The following NOM1 variants were observed in gnomAD, a reference collection of about 807,000 sequenced individuals.
NOM1 encodes the protein nucleolar protein with MIF4G domain 1.
A neutral mutation model predicts 73.3 loss-of-function variants in NOM1; 58 were observed. The ratio of observed to expected loss-of-function variants is 0.79; its 90% CI spans 0.64 to 0.99. The LOEUF (loss-of-function observed/expected upper bound fraction) is 0.99, where lower values mean the gene tolerates loss of function less well. NOM1 is among the 50% of genes least tolerant of loss of function. NOM1 has a pLI of 0.00. For missense variants in NOM1, 1,226 were observed against 1,131.9 expected (o/e 1.08, Z -1.19); for synonymous variants, 487 against 446.8 (o/e 1.09, Z -1.14).
chr7:156,952,734 C>T, intron 2 of NOM1, 136 bp downstream of exon 2: 1 of 937,128 alleles, frequency 1.1e-6, no homozygotes, highest in Non-Finnish European at 1.6e-6. Flanking sequence ...GCTTGATGCA[C>T]CGAGACCCAT....
At position 156,950,556 on chromosome 7, in the gene NOM1, G is replaced by T; in HGVS notation, c.819G>T (p.Ala273=). 6.2e-7 allele frequency: 1 copy of T among 1,610,910 alleles called. No individual in the cohort carries two copies. The highest frequency in any genetic ancestry group is 1.1e-5 in the South Asian group (1 of 90,894). ...GAGACGTAGAAAAGGAAAAGAAGGC[G>T]CAGGAAGCAGAAGCGCAGAGCGAGG... is the stretch of plus-strand genomic sequence containing the variant. ...EEGDVEKEKK[A]QEAEAQSEDD... is the part of the protein sequence containing the mutation. Residue 273 remains alanine (A), a synonymous_variant, in exon 1 of 11, where the codon GCG becomes GCT. Transcript: ENST00000275820.
At position 156,966,093 on chromosome 7, in the gene NOM1, CA is replaced by C. The variant is rs917266268; in HGVS notation, c.2034-176del. 59 of 697,278 alleles carry C rather than the reference CA, an allele frequency of 8.5e-5. No individual in the cohort carries two copies. In the African/African-American group the frequency reaches 9.7e-4, roughly 11 times the overall value. 43.2% of individuals were successfully genotyped at this position (697,278 alleles called of 1,614,324 possible). A position where few individuals can be genotyped will look rare whatever the true frequency, so the allele number is the denominator to read the frequency against. ...CCACATTGTAGGAGAACCTGAGGAC[CA>C]GAGAGGTTGTGACAGGGCTGGGCCC... On this transcript the variant is annotated intron_variant, in intron 7 of 10. Transcript: ENST00000275820.
At chr7:156,961,273 C>T (rs182045091) in intron 4 of NOM1, among the ~76,000 whole-genome samples, 37 of 152,072 alleles carry the variant, frequency 2.4e-4, no homozygotes, top group Non-Finnish European at 4.9e-4. Flanking sequence ...AATTCACGCC[C>T]GTGTGGGATG....
intron 3 of NOM1, chr7:156,958,577 T>C (rs1248517667): frequency 2.0e-5 from 3 of 152,246 alleles, no homozygotes; most frequent in African/African-American, 4.8e-5. Context: ...TTTTCTGCCT[T>C]CAAGTTTTAT....
At chr7:156,960,863 G>T (rs901013248) in intron 4 of NOM1, among the ~76,000 whole-genome samples, 8 of 152,168 alleles carry the variant, frequency 5.3e-5, no homozygotes, top group African/African-American at 1.9e-4. Context: ...GGAGTAGGTG[G>T]TGGCAAATGT....
Position 156,950,008 on chromosome 7 carries a change from C to T in NOM1, c.271C>T (p.His91Tyr), listed in dbSNP as rs1410099191. The change falls in exon 1 of 11, where the codon CAC becomes TAC. Residue 91 changes from histidine to tyrosine, a missense_variant. Transcript: ENST00000275820. ...SRKELRKEKR[H>Y]LRKARRLQRT... ...TAAGGAACTGAGGAAGGAGAAGCGG[C>T]ACCTGCGGAAAGCACGCCGGCTGCA... 2 of 1,541,002 alleles carry T rather than the reference C, an allele frequency of 1.3e-6. No individual in the cohort carries two copies. The highest frequency in any genetic ancestry group is 2.0e-5 in the Admixed American group (1 of 51,020).
intron 9 of NOM1, 73 bp downstream of exon 9, chr7:156,967,165 G>A: frequency 6.5e-7 from 1 of 1,527,308 alleles, no homozygotes; most frequent in Non-Finnish European, 8.9e-7. Flanking sequence ...GGTAAATCAG[G>A]TCCTGTTTTA....
At chr7:156,965,783 G>T (rs1563685728) in intron 7 of NOM1, among the ~76,000 whole-genome samples, 1 of 84,140 alleles carries the variant, frequency 1.2e-5, no homozygotes, top group South Asian at 3.7e-4. Flanking sequence ...GGGGGTGGTG[G>T]TGGCACCTGT....
At chr7:156,966,155 C>A in intron 7 of NOM1, 115 bp from the exon 8 acceptor site, 2 of 1,336,346 alleles carry the variant, frequency 1.5e-6, no homozygotes, top group Non-Finnish European at 2.1e-6. Context: ...ACCTCCTTTA[C>A]GTGGCTCGCC....
At chr7:156,957,508 G>C (rs1804751532) in intron 3 of NOM1, among the ~76,000 whole-genome samples, 1 of 152,124 alleles carries the variant, frequency 6.6e-6, no homozygotes, top group African/African-American at 2.4e-5. Context: ...GGGTGTGGTG[G>C]CTCACGCCTG....
chr7:156,952,341 T>G, intron 1 of NOM1, 133 bp from the exon 2 acceptor site: 1 of 906,404 alleles, frequency 1.1e-6, no homozygotes. Context: ...ATCTGATGTA[T>G]TTAAGCAGCA....
Position 156,949,802 on chromosome 7 carries a change from T to A in NOM1, c.65T>A (p.Met22Lys), listed in dbSNP as rs1043489203. ...PGGSQGRVVRMKRRGGRGPRR... is the reference protein window; with the variant it reads ...PGGSQGRVVRKKRRGGRGPRR... Reference sequence around the variant, plus strand: ...GGCTCCCAGGGACGCGTGGTCCGCATGAAGCGCAGAGGCGGGCGCGGGCCG... The same window carrying A: ...GGCTCCCAGGGACGCGTGGTCCGCAAGAAGCGCAGAGGCGGGCGCGGGCCG... Residue 22 changes from methionine to lysine, a missense_variant, in exon 1 of 11, where the codon ATG becomes AAG. Met to Lys is a moderately conservative substitution (Grantham distance 95). Coordinates refer to ENST00000275820, the MANE Select transcript of NOM1 (RefSeq NM_138400.2). The A allele has an allele frequency of 9.8e-6, 14 of 1,425,172 alleles. No homozygotes were observed. The highest frequency in any genetic ancestry group is 1.2e-5 in the Non-Finnish European group (13 of 1,093,510). The allele number at this position is 1,425,172 out of a possible 1,614,324, so 88.3% of individuals were successfully genotyped here. A position where few individuals can be genotyped will look rare whatever the true frequency, so the allele number is the denominator to read the frequency against.
chr7:156,963,979 A>G lies in NOM1; in HGVS notation c.1986A>G (p.Thr662=), dbSNP rs374779806. The G allele has an allele frequency of 3.7e-6, 6 of 1,613,950 alleles. No homozygotes were observed. The highest frequency in any genetic ancestry group is 1.3e-5 in the African/African-American group (1 of 74,930). Reference sequence around the variant, plus strand: ...ACATCCGGAGAAACATATTCTGCACAATAATGACAAGTGAAGATTTTTTGG... The same window carrying G: ...ACATCCGGAGAAACATATTCTGCACGATAATGACAAGTGAAGATTTTTTGG... ...NTDIRRNIFC[T]IMTSEDFLDA... is the part of the protein sequence containing the mutation. The change falls in exon 7 of 11, where the codon ACA becomes ACG. Residue 662 remains threonine, a synonymous_variant. Transcript: ENST00000275820.
At chr7:156,955,141 C>T (rs79754402) in intron 3 of NOM1, among the ~76,000 whole-genome samples, 5,595 of 152,256 alleles carry the variant, frequency 0.037, 180 homozygotes, top group East Asian at 0.17. Context: ...AAGTAAATGT[C>T]CACCCCACCC....
At chr7:156,952,874 T>A (rs1804628608) in intron 2 of NOM1, among the ~76,000 whole-genome samples, 1 of 152,250 alleles carries the variant, frequency 6.6e-6, no homozygotes, top group Non-Finnish European at 1.5e-5. Context: ...AGAGGTTCTT[T>A]GTCCGTCTAA....
rs1419520965 is a variant in NOM1, at chr7:156,970,278, CAGTG to C, written c.*578_*581del. 4 of 135,388 alleles carry C rather than the reference CAGTG, an allele frequency of 3.0e-5. No homozygotes were observed. Among genetic ancestry groups the C allele is most frequent in the Non-Finnish European group, 6.1e-5 (4 of 65,042 alleles). The allele number at this position is 135,388 out of a possible 1,614,324, so 8.4% of individuals were successfully genotyped here. On this transcript the variant is annotated 3_prime_UTR_variant, in exon 11 of 11. Coordinates refer to ENST00000275820, the MANE Select transcript of NOM1 (RefSeq NM_138400.2). ...CTGGGCTGGACAGTGAGACTTTTGA[CAGTG>C]AGACTGTCAAAAAAAAAAAAAAAAT...
chr7:156,950,340 G>A lies in NOM1; in HGVS notation c.603G>A (p.Lys201=). ...RCLGLNKRKK[K]DGSSSVPLSF... is the part of the protein sequence containing the mutation. Reference sequence around the variant, plus strand: ...TCGGTTTGAACAAGCGCAAAAAGAAGGACGGCAGCAGCTCCGTGCCGCTGA... The same window carrying A: ...TCGGTTTGAACAAGCGCAAAAAGAAAGACGGCAGCAGCTCCGTGCCGCTGA... Residue 201 remains lysine, a synonymous_variant, in exon 1 of 11, where the codon AAG becomes AAA. Transcript: ENST00000275820. 1 of 1,613,936 alleles carries A rather than the reference G, an allele frequency of 6.2e-7. No homozygotes were observed. The highest frequency in any genetic ancestry group is 8.5e-7 in the Non-Finnish European group (1 of 1,179,918).
chr7:156,966,829 C>T (rs1212755612), intron 8 of NOM1, 132 bp from the exon 9 acceptor site: 1 of 966,370 alleles, frequency 1.0e-6, no homozygotes, highest in Non-Finnish European at 1.5e-6. Context: ...AGTGAGGCCA[C>T]CACTAAAAGT....
chr7:156,959,394 C>G (rs1186530458), intron 3 of NOM1, among the ~76,000 whole-genome samples: 4 of 131,506 alleles, frequency 3.0e-5, no homozygotes, highest in African/African-American at 1.1e-4. Context: ...CACACCACCA[C>G]ACCTGGCTAA....
Sources: gnomAD v4.1 joint callset for allele counts (sites outside exome capture counted in the v4.1 genomes callset) on GRCh38, gnomAD v4.1.1 for gene constraint, MANE v1.5 for transcripts, NCBI Gene and HGNC (gene_info 2026-07-23, HGNC 2026-07-21) for gene names.